PHF11: variants seen among roughly 807,000 people sequenced by gnomAD.
The protein encoded by PHF11 is BRCA1 C-terminus-associated protein.
A neutral mutation model predicts 40.5 loss-of-function variants in PHF11; 38 were observed. The observed-to-expected ratio is 0.94, with a 90% CI of 0.72 to 1.23. PHF11 has a LOEUF of 1.23. PHF11 is among the 50% of genes most tolerant of loss of function. The pLI is 0.00. For missense variants in PHF11, 369 were observed against 392.4 expected (o/e 0.94, Z 0.50); for synonymous variants, 127 against 138.2 (o/e 0.92, Z 0.57).
chr13:49,524,304 C>T, intron 8 of PHF11, 88 bp downstream of exon 8: 1 of 1,016,850 alleles, frequency 9.8e-7, no homozygotes, highest in Non-Finnish European at 1.5e-6. Context: ...AAAAAAAAGG[C>T]CCATTTTCTT....
At chr13:49,504,485 C>T (rs1354086938) in intron 1 of PHF11, among the ~76,000 whole-genome samples, 6 of 63,406 alleles carry the variant, frequency 9.5e-5, no homozygotes, top group African/African-American at 2.4e-4. Flanking sequence ...GCCCCCCGCC[C>T]GGCCAGCCGC....
At chr13:49,525,064 T>C (rs1170862425) in intron 8 of PHF11, among the ~76,000 whole-genome samples, 4 of 152,182 alleles carry the variant, frequency 2.6e-5, no homozygotes, top group Admixed American at 1.3e-4. Flanking sequence ...ATTCTATTCC[T>C]TAATAAGCCA....
chr13:49,527,934 A>AAG (rs1959382718), intron 9 of PHF11, among the ~76,000 whole-genome samples: 1 of 114,488 alleles, frequency 8.7e-6, no homozygotes, highest in Non-Finnish European at 2.1e-5. Context: ...AAGTTTGTAT[A>AAG]TGTGTGTAAC....
chr13:49,496,487 G>A lies in PHF11; in HGVS notation c.94+392G>A, dbSNP rs1958812219. 9 of 997,058 alleles carry A rather than the reference G, an allele frequency of 9.0e-6. No individual in the cohort carries two copies. The South Asian group carries it at 3.7e-4, about 41-fold the overall frequency. 61.8% of individuals were successfully genotyped at this position (997,058 alleles called of 1,614,324 possible). ...GTGGAGGGGCGCCCTGATGCGGTGA[G>A]GCAGGGGGCGGCCCTGAGGGAAGAG... is the stretch of plus-strand genomic sequence containing the variant. On this transcript the variant is annotated intron_variant, in intron 1 of 9. Transcript: ENST00000378319.
chr13:49,506,927 G>T (rs1487605441), intron 2 of PHF11, among the ~76,000 whole-genome samples, 171 bp downstream of exon 2: 2 of 100,668 alleles, frequency 2.0e-5, no homozygotes, highest in Non-Finnish European at 3.8e-5. Flanking sequence ...TTTTTGAGAC[G>T]GAGTTTCACT....
intron 1 of PHF11, among the ~76,000 whole-genome samples, chr13:49,504,603 C>T (rs1958956471): frequency 6.9e-6 from 1 of 145,222 alleles, no homozygotes; most frequent in African/African-American, 2.6e-5. Context: ...GGGGGTCAGC[C>T]CCCCGCCCGG....
intron 4 of PHF11, among the ~76,000 whole-genome samples, chr13:49,520,271 T>A (rs1172471284): frequency 1.3e-5 from 2 of 152,098 alleles, no homozygotes; most frequent in Non-Finnish European, 2.9e-5. Flanking sequence ...AGGGTCTCCA[T>A]CTCTTGACCT....
intron 2 of PHF11, among the ~76,000 whole-genome samples, chr13:49,511,751 G>A (rs1239302646): frequency 1.3e-5 from 2 of 152,120 alleles, no homozygotes; most frequent in Non-Finnish European, 2.9e-5. Context: ...CAGTATATAT[G>A]AACACTATTG....
intron 1 of PHF11, among the ~76,000 whole-genome samples, chr13:49,499,456 T>C (rs1018312029): frequency 6.6e-6 from 1 of 152,222 alleles, no homozygotes; most frequent in Non-Finnish European, 1.5e-5. Context: ...ATTTATACAT[T>C]CTAAAGATAT....
chr13:49,523,224 A>C lies in PHF11; in HGVS notation c.620A>C (p.Glu207Ala), dbSNP rs1184333503. ...CNTFIRQVKE[E>A]HGRHTDATVK... ...ACATTCATAAGACAAGTGAAAGAAGAGCATGGCAGACACACAGGTTTGCGC... is the reference window on the plus strand; with the variant it reads ...ACATTCATAAGACAAGTGAAAGAAGCGCATGGCAGACACACAGGTTTGCGC... Residue 207 changes from glutamate (E) to alanine (A), a missense_variant, in exon 7 of 10, where the codon GAG becomes GCG. Glu to Ala is a moderately radical substitution (Grantham distance 107). Transcript: ENST00000378319. 1.9e-6 allele frequency: 3 copies of C among 1,611,296 alleles called. No homozygotes were observed.
chr13:49,502,071 G>A (rs7990424), intron 1 of PHF11, among the ~76,000 whole-genome samples: 8,036 of 152,206 alleles, frequency 0.053, 343 homozygotes, highest in South Asian at 0.13. Context: ...AGGCTCAGGA[G>A]GGAGGATCAC....
rs746222741 is a variant in PHF11 at position 49,526,400 on chromosome 13, C to T, written c.783C>T (p.Ile261=). ...ETTSESDYEE[I]GSALFDCRLF... is the part of the protein sequence containing the mutation. ...CTCTCCCTCCAGACTATGAAGAAAT[C>T]GGGAGTGCACTTTTTGACTGTAGAT... is the stretch of plus-strand genomic sequence containing the variant. Residue 261 remains isoleucine (I), a synonymous_variant, in exon 9 of 10, where the codon ATC becomes ATT. Coordinates refer to ENST00000378319, the MANE Select transcript of PHF11 (RefSeq NM_001040443.3). 46 of 1,608,252 alleles carry T rather than the reference C, an allele frequency of 2.9e-5. No individual in the cohort carries two copies. The highest frequency in any genetic ancestry group is 3.6e-5 in the Non-Finnish European group (42 of 1,174,966).
chr13:49,518,293 G>T (rs1959171327), intron 4 of PHF11, 142 bp downstream of exon 4: 5 of 424,450 alleles, frequency 1.2e-5, no homozygotes, highest in South Asian at 7.7e-5. Flanking sequence ...ATGCACAGGG[G>T]TTATGTGAAT....
Position 49,523,276 on chromosome 13 carries a change from C to G in PHF11, c.637+35C>G. ...AAGTGTTGTCTGTAACAAATATGGC[C>G]TACAATACTTATAAAAATGTCAACC... On this transcript the variant is annotated intron_variant, in intron 7 of 9. Transcript: ENST00000378319. 2.9e-6 allele frequency: 4 copies of G among 1,400,310 alleles called. No individual in the cohort carries two copies. The African/African-American group carries it at 5.7e-5, about 20-fold the overall frequency. The allele number at this position is 1,400,310 out of a possible 1,614,324, so 86.7% of individuals were successfully genotyped here.
intron 1 of PHF11, chr13:49,497,126 A>T (rs1958826117): frequency 7.8e-7 from 1 of 1,289,560 alleles, no homozygotes; most frequent in Non-Finnish European, 1.0e-6. Context: ...AAAGGCACCA[A>T]ACCACAAAAC....
At chr13:49,508,898 T>C (rs1431465999) in intron 2 of PHF11, among the ~76,000 whole-genome samples, 1 of 152,188 alleles carries the variant, frequency 6.6e-6, no homozygotes, top group African/African-American at 2.4e-5. Context: ...TTTGTGTATG[T>C]TTTACATTCT....
At chr13:49,500,232 C>A (rs1288345035) in intron 1 of PHF11, among the ~76,000 whole-genome samples, 1 of 152,144 alleles carries the variant, frequency 6.6e-6, no homozygotes, top group Non-Finnish European at 1.5e-5. Flanking sequence ...GGTTGCTAAA[C>A]CCCCCTAGAA....
At position 49,522,531 on chromosome 13, in the gene PHF11, C is replaced by T. The variant is rs138919734; in HGVS notation, c.570+424C>T. Among the ~76,000 whole-genome samples the T allele has an allele frequency of 4.7e-5, 7 of 150,490 alleles. No homozygotes were observed. In the East Asian group the frequency reaches 1.4e-3, roughly 30 times the overall value. On this transcript the variant is annotated intron_variant, in intron 6 of 9. Transcript: ENST00000378319. ...GTATTTCCCAGCTGCATGACCCACA[C>T]CTGACCAAATCTGTAGCTCTTATAA...
chr13:49,528,817 A>C lies in PHF11; in HGVS notation c.*152A>C. The stretch of plus-strand genomic sequence containing the variant: ...GTTCTTACTGGTTGACATTTTGATC[A>C]CTCTTTGCACACTCTTGTGTTTTTT... On this transcript the variant is annotated 3_prime_UTR_variant, in exon 10 of 10. Coordinates refer to ENST00000378319, the MANE Select transcript of PHF11 (RefSeq NM_001040443.3). The C allele has an allele frequency of 1.7e-6, 1 of 575,632 alleles. No individual in the cohort carries two copies. Among genetic ancestry groups the C allele is most frequent in the Non-Finnish European group, 3.0e-6 (1 of 328,258 alleles). The allele number at this position is 575,632 out of a possible 1,614,324, so 35.7% of individuals were successfully genotyped here.
Sources: gnomAD v4.1 joint callset for allele counts (sites outside exome capture counted in the v4.1 genomes callset) on GRCh38, gnomAD v4.1.1 for gene constraint, MANE v1.5 for transcripts, NCBI Gene and HGNC (gene_info 2026-07-23, HGNC 2026-07-21) for gene names.